RNF19B: variants seen among roughly 807,000 people sequenced by gnomAD.
RNF19B encodes E3 ubiquitin-protein ligase RNF19B.
In RNF19B, 23 loss-of-function variants were observed where a neutral mutation model predicts 65.5. The ratio of observed to expected loss-of-function variants is 0.35; its 90% CI spans 0.25 to 0.50. The LOEUF is 0.50. Ranked by LOEUF, RNF19B falls within the 20% of genes least tolerant of loss-of-function variation. The pLI, the probability that RNF19B is intolerant of heterozygous loss-of-function variation, is 0.98. For missense variants in RNF19B, 794 were observed against 980.0 expected (o/e 0.81, Z 2.53); for synonymous variants, 372 against 379.6 (o/e 0.98, Z 0.23).
At chr1:32,937,736 G>C (rs185791388) in intron 8 of RNF19B, among the ~76,000 whole-genome samples, 90 of 152,066 alleles carry the variant, frequency 5.9e-4, no homozygotes, top group Non-Finnish European at 1.0e-3. Flanking sequence ...AAATAAATGA[G>C]ATGGAGAAGA....
rs938386413 is a variant in RNF19B at position 32,943,427 on chromosome 1, C to T, written c.1402+592G>A. 4.6e-5 allele frequency among the ~76,000 whole-genome samples: 7 copies of T among 151,628 alleles called. No homozygotes were observed. In the South Asian group the frequency reaches 8.4e-4, roughly 18 times the overall value. On this transcript the variant is annotated intron_variant, in intron 6 of 8. Coordinates refer to ENST00000235150, the MANE Select transcript of RNF19B (RefSeq NM_001300826.2). The stretch of plus-strand genomic sequence containing the variant: ...GAGATCGAGATCTTCCTGGCTAACA[C>T]GGTGAAACACCAAACCCCGTCTATA...
chr1:32,964,008 C>A lies in RNF19B; in HGVS notation c.635+43G>T, dbSNP rs1025275599. 4 of 1,402,878 alleles carry A rather than the reference C, an allele frequency of 2.9e-6. No homozygotes were observed. The Admixed American group carries it at 1.4e-4, about 51-fold the overall frequency. The allele number at this position is 1,402,878 out of a possible 1,614,324, so 86.9% of individuals were successfully genotyped here. A position where few individuals can be genotyped will look rare whatever the true frequency, so the allele number is the denominator to read the frequency against. On this transcript the variant is annotated intron_variant, in intron 1 of 8. Coordinates refer to ENST00000235150, the MANE Select transcript of RNF19B (RefSeq NM_001300826.2). This position sits in a 1 kb window ranked among gnomAD's most constrained non-coding sequence, Gnocchi z 6.5. ...CCCTGCTGCCCCCAGCCACGCCCCT[C>A]GGCTGCAGCCCGCCGCCACCCGCGC...
chr1:32,963,950 C>A (rs1168682203), intron 1 of RNF19B, 101 bp downstream of exon 1: 3 of 1,349,988 alleles, frequency 2.2e-6, no homozygotes, highest in African/African-American at 1.5e-5. Flanking sequence ...TGCCGCCTTG[C>A]GGGTTTCCCT....
Position 32,948,378 on chromosome 1 carries a change from GGAA to G in RNF19B, c.842-18_842-16del. 3 of 1,606,682 alleles carry G rather than the reference GGAA, an allele frequency of 1.9e-6. No individual in the cohort carries two copies. The highest frequency in any genetic ancestry group is 2.6e-6 in the Non-Finnish European group (3 of 1,174,924). On this transcript the variant is annotated splice_polypyrimidine_tract_variant and intron_variant, in intron 2 of 8. Coordinates refer to ENST00000235150, the MANE Select transcript of RNF19B (RefSeq NM_001300826.2). ...CTTGATGTCATCTGCTATGAGTGGG[GGAA>G]GAATGGGTAGAAAAAATACCCCTAG...
rs1415999897 is a variant in RNF19B, at chr1:32,964,328, G to A, written c.358C>T (p.Pro120Ser). The A allele has an allele frequency of 1.1e-5, 16 of 1,499,540 alleles. No individual in the cohort carries two copies. The highest frequency in any genetic ancestry group is 1.3e-5 in the Non-Finnish European group (15 of 1,131,242). 92.9% of individuals were successfully genotyped at this position (1,499,540 alleles called of 1,614,324 possible). ...GGCGGCAGCCGCACCAGGCACAGCG[G>A]ACACTCCACCTCCTCCGCGCCCGGG... ...GGPGAEEVEC[P>S]LCLVRLPPER... is the part of the protein sequence containing the mutation. The change falls in exon 1 of 9, where the codon CCG (proline) becomes TCG (serine). Residue 120 changes from proline (P) to serine (S), a missense_variant. By Grantham distance (74) the Pro-to-Ser change is moderately conservative. Around this residue, in one of 3 missense-constraint regions of RNF19B, gnomAD observed 374 missense variants for 423.8 expected, o/e 0.88. Transcript: ENST00000235150. This position sits in a 1 kb window ranked among gnomAD's most constrained non-coding sequence, Gnocchi z 6.5.
intron 1 of RNF19B, among the ~76,000 whole-genome samples, chr1:32,963,666 C>G (rs895119926): frequency 2.0e-5 from 3 of 150,576 alleles, no homozygotes; most frequent in African/African-American, 4.9e-5. Flanking sequence ...TGCAGTGAGC[C>G]GAGATCGCGC....
chr1:32,957,337 A>C (rs1392441599), intron 1 of RNF19B, among the ~76,000 whole-genome samples: 1 of 152,040 alleles, frequency 6.6e-6, no homozygotes, highest in Non-Finnish European at 1.5e-5. Flanking sequence ...CCATCATGCA[A>C]ATTCTATTGT....
intron 1 of RNF19B, among the ~76,000 whole-genome samples, chr1:32,960,889 C>T (rs189313592): frequency 2.5e-4 from 38 of 151,954 alleles, no homozygotes; most frequent in Admixed American, 2.1e-3. Context: ...GGCATGCACC[C>T]GTGTTCCCAG....
Position 32,948,345 on chromosome 1 carries a change from G to A in RNF19B, c.860C>T (p.Pro287Leu). 6.2e-7 allele frequency: 1 copy of A among 1,613,640 alleles called. No homozygotes were observed. The highest frequency in any genetic ancestry group is 8.5e-7 in the Non-Finnish European group (1 of 1,179,660). The part of the protein sequence containing the change: ...ESGPDDIKPC[P>L]RCSAYIIKMN... ...CTTGATAATGTATGCACTGCATCGT[G>A]GGCATGGCTTGATGTCATCTGCTAT... The change falls in exon 3 of 9, where the codon CCA becomes CTA. Residue 287 changes from proline (P) to leucine (L), a missense_variant. Coordinates refer to ENST00000235150, the MANE Select transcript of RNF19B (RefSeq NM_001300826.2).
intron 3 of RNF19B, 44 bp from the exon 4 acceptor site, chr1:32,946,608 C>T (rs1317058806): frequency 5.1e-6 from 8 of 1,567,736 alleles, no homozygotes; most frequent in East Asian, 2.3e-5. Context: ...ATTACAAATA[C>T]AGCTAGTATT....
At chr1:32,949,381 G>C (rs1424012671) in intron 2 of RNF19B, among the ~76,000 whole-genome samples, 188 bp downstream of exon 2, 1 of 152,104 alleles carries the variant, frequency 6.6e-6, no homozygotes, top group Non-Finnish European at 1.5e-5. Context: ...TATATAGTTG[G>C]ATAACCTATA....
At chr1:32,944,629 T>A (rs1489487109) in intron 5 of RNF19B, among the ~76,000 whole-genome samples, 1 of 152,274 alleles carries the variant, frequency 6.6e-6, no homozygotes, top group Admixed American at 6.5e-5. Flanking sequence ...GAGAACAGGA[T>A]CTGAAGGCAG....
At chr1:32,934,855 C>T (rs547817685), downstream of RNF19B, among the ~76,000 whole-genome samples, 60 of 152,184 alleles carry the variant, frequency 3.9e-4, no homozygotes, top group African/African-American at 1.1e-3. Flanking sequence ...TTTTGTCAGA[C>T]GGAGTCTCAC....
the RNF19B span, among the ~76,000 whole-genome samples, chr1:32,929,254 T>C: frequency 6.6e-6 from 1 of 152,216 alleles, no homozygotes; most frequent in Non-Finnish European, 1.5e-5. Context: ...TATGTGCATG[T>C]CTTTGTGTTC....
At chr1:32,937,478 G>A (rs891704204) in intron 8 of RNF19B, among the ~76,000 whole-genome samples, 4 of 152,144 alleles carry the variant, frequency 2.6e-5, no homozygotes, top group African/African-American at 7.2e-5. Context: ...TTGGGAGGTC[G>A]AGGTGTGAGG....
chr1:32,957,417 T>C (rs1642664948), intron 1 of RNF19B, among the ~76,000 whole-genome samples: 2 of 150,740 alleles, frequency 1.3e-5, no homozygotes, highest in South Asian at 4.1e-4. Context: ...TAATTTTCTA[T>C]CTATCTATGT....
chr1:32,952,929 A>C (rs1449728773), intron 1 of RNF19B, among the ~76,000 whole-genome samples: 2 of 151,446 alleles, frequency 1.3e-5, no homozygotes, highest in Non-Finnish European at 2.9e-5. Flanking sequence ...ATAATAAATA[A>C]ATAAATGGAA....
intron 1 of RNF19B, among the ~76,000 whole-genome samples, chr1:32,953,593 AC>A (rs1471136051): frequency 8.5e-5 from 13 of 152,116 alleles, no homozygotes; most frequent in African/African-American, 3.1e-4. Context: ...TTCAGAAAGA[AC>A]AAAGTGAGAA....
At chr1:32,961,708 G>A (rs570059554) in intron 1 of RNF19B, among the ~76,000 whole-genome samples, 1 of 152,002 alleles carries the variant, frequency 6.6e-6, no homozygotes, top group Admixed American at 6.6e-5. Context: ...AATAAAATCT[G>A]GAGGATACTA....
Sources: gnomAD v4.1 joint callset for allele counts (sites outside exome capture counted in the v4.1 genomes callset) on GRCh38, gnomAD v4.1.1 for gene constraint, gnomAD v4.1.1 regional missense constraint, Gnocchi (gnomAD v3.1) non-coding constraint, MANE v1.5 for transcripts, NCBI Gene and HGNC (gene_info 2026-07-23, HGNC 2026-07-21) for gene names.